The following ANKS6 variants were observed in gnomAD, a reference collection of about 807,000 sequenced individuals.
The protein encoded by ANKS6 is ankyrin repeat and SAM domain-containing protein 6.
In ANKS6, 47 loss-of-function variants were observed where a neutral mutation model predicts 77.9. The ratio of observed to expected loss-of-function variants is 0.60; its 90% CI spans 0.48 to 0.77. The LOEUF (loss-of-function observed/expected upper bound fraction) is 0.77, where lower values mean the gene tolerates loss of function less well. ANKS6 is among the 30% of genes least tolerant of loss of function. The pLI is 0.00. For synonymous variants in ANKS6, 488 were observed against 501.7 expected, an observed-to-expected ratio of 0.97 and a Z score of 0.37; for missense variants, 1,150 against 1,159.1, an observed-to-expected ratio of 0.99 and a Z score of 0.11.
chr9:98,777,253 T>C (rs1833964416), intron 8 of ANKS6, 152 bp downstream of exon 8: 7 of 807,028 alleles, frequency 8.7e-6, no homozygotes, highest in Non-Finnish European at 1.4e-5. Flanking sequence ...GACTCCTCAG[T>C]GCCAGAGCTA....
At chr9:98,757,481 T>G (rs576444229) in intron 11 of ANKS6, among the ~76,000 whole-genome samples, 24 of 152,336 alleles carry the variant, frequency 1.6e-4, no homozygotes, top group African/African-American at 3.4e-4. Context: ...TAGATGTGCT[T>G]GTGAATGTAG....
At position 98,773,972 on chromosome 9, in the gene ANKS6, G is replaced by C. The variant is rs746172737; in HGVS notation, c.1726C>G (p.Arg576Gly). Residue 576 changes from arginine (R) to glycine (G), a missense_variant, in exon 9 of 15, where the codon CGG becomes GGG. Transcript: ENST00000353234. ...SFELWSSDRSRTRHNGKADPM... is the reference protein window; with the variant it reads ...SFELWSSDRSGTRHNGKADPM... ...TCTGCCTTCCCGTTGTGACGCGTCC[G>C]GGACCGATCAGAGCTCCACAGCTCA... The C allele has an allele frequency of 2.5e-6, 4 of 1,600,132 alleles. No homozygotes were observed. The highest frequency in any genetic ancestry group is 2.2e-5 in the South Asian group (2 of 89,324).
intron 12 of ANKS6, among the ~76,000 whole-genome samples, chr9:98,751,445 A>G (rs1224447099): frequency 6.6e-6 from 1 of 152,236 alleles, no homozygotes; most frequent in East Asian, 1.9e-4. Flanking sequence ...CTGTGTGAGA[A>G]AGCACCATAA....
Position 98,732,998 on chromosome 9 carries a change from G to GA in ANKS6, c.*3520_*3521insT, listed in dbSNP as rs1831284087. The GA allele has an allele frequency of 1.0e-6, 1 of 965,884 alleles. No individual in the cohort carries two copies. The highest frequency in any genetic ancestry group is 5.2e-5 in the Admixed American group (1 of 19,294). 59.8% of individuals were successfully genotyped at this position (965,884 alleles called of 1,614,324 possible). On this transcript the variant is annotated 3_prime_UTR_variant, in exon 15 of 15. Transcript: ENST00000353234. ...ATCTCTCTCCTCTGGGGCGTGCCCA[G>GA]GCTGAGCCTGAGCCATCATCGATGA...
rs1417665504 is a variant in ANKS6, at chr9:98,744,387, G to A, written c.2511+1172C>T. Among the ~76,000 whole-genome samples, 6 of 152,122 alleles carry A rather than the reference G, an allele frequency of 3.9e-5. No individual in the cohort carries two copies. In the East Asian group the frequency reaches 9.6e-4, roughly 24 times the overall value. On this transcript the variant is annotated intron_variant, in intron 14 of 14. Coordinates refer to ENST00000353234, the MANE Select transcript of ANKS6 (RefSeq NM_173551.5). ...GAAGAGAAAGAGGCCAGGAGGCCTC[G>A]GTTTAGCGTCTCCCTCCACTGCCCA...
chr9:98,791,335 G>T lies in ANKS6; in HGVS notation c.360-729C>A, dbSNP rs1233655030. Among the ~76,000 whole-genome samples, 1 of 152,242 alleles carries T rather than the reference G, an allele frequency of 6.6e-6. No homozygotes were observed. The highest frequency in any genetic ancestry group is 1.5e-5 in the Non-Finnish European group (1 of 68,048). Reference sequence around the variant, plus strand: ...GCTGGGCATTGCGGCCTGGAGGCCTGCTGCCACCTGCTGGCAGGAATGTTT... The same window carrying T: ...GCTGGGCATTGCGGCCTGGAGGCCTTCTGCCACCTGCTGGCAGGAATGTTT... On this transcript the variant is annotated intron_variant, in intron 1 of 14. Transcript: ENST00000353234. This position sits in a 1 kb window ranked among gnomAD's most constrained non-coding sequence, Gnocchi z 4.3.
intron 11 of ANKS6, 130 bp downstream of exon 11, chr9:98,767,951 T>C (rs928330932): frequency 2.6e-5 from 33 of 1,274,804 alleles, no homozygotes; most frequent in Non-Finnish European, 3.3e-5. Flanking sequence ...AGCCCAGGAG[T>C]GGCTGGCTGG....
Position 98,733,434 on chromosome 9 carries a change from G to T in ANKS6, c.*3085C>A. ...ATGCCCTCAGGCTGGAGAGCTCTCA[G>T]AACAGGGACCCTGCCATCTCAAAGC... On this transcript the variant is annotated 3_prime_UTR_variant, in exon 15 of 15. Coordinates refer to ENST00000353234, the MANE Select transcript of ANKS6 (RefSeq NM_173551.5). The T allele has an allele frequency of 1.0e-6, 1 of 985,442 alleles. No individual in the cohort carries two copies. The highest frequency in any genetic ancestry group is 1.2e-6 in the Non-Finnish European group (1 of 829,960). The allele number at this position is 985,442 out of a possible 1,614,324, so 61.0% of individuals were successfully genotyped here.
chr9:98,791,564 A>G lies in ANKS6; in HGVS notation c.360-958T>C, dbSNP rs2118184365. Among the ~76,000 whole-genome samples the G allele has an allele frequency of 6.6e-6, 1 of 152,248 alleles. No homozygotes were observed. The highest frequency in any genetic ancestry group is 1.9e-4 in the East Asian group (1 of 5,188). On this transcript the variant is annotated intron_variant, in intron 1 of 14. Coordinates refer to ENST00000353234, the MANE Select transcript of ANKS6 (RefSeq NM_173551.5). This position sits in a 1 kb window ranked among gnomAD's most constrained non-coding sequence, Gnocchi z 4.3. ...TTTGTGGTGTCTCTGGTGGGCTCGG[A>G]GCTGTGTATCTCCAAGCTGGAAGCG...
At chr9:98,761,338 C>G (rs1446256741) in intron 11 of ANKS6, among the ~76,000 whole-genome samples, 1 of 152,190 alleles carries the variant, frequency 6.6e-6, no homozygotes, top group Non-Finnish European at 1.5e-5. Flanking sequence ...GGCAACATCA[C>G]AGCTCACTGC....
chr9:98,752,478 G>A (rs889327639), intron 12 of ANKS6, among the ~76,000 whole-genome samples: 3 of 151,748 alleles, frequency 2.0e-5, no homozygotes, highest in South Asian at 2.1e-4. Context: ...GACTACCACT[G>A]TGCCCAATGG....
In ANKS6 at chr9:98,736,113, T is replaced by C. The variant is rs544269507; in HGVS notation, c.*406A>G. The C allele has an allele frequency of 6.1e-6, 7 of 1,145,170 alleles. No homozygotes were observed. Among genetic ancestry groups the C allele is most frequent in the Non-Finnish European group, 6.4e-6 (6 of 931,006 alleles). 70.9% of individuals were successfully genotyped at this position (1,145,170 alleles called of 1,614,324 possible). On this transcript the variant is annotated 3_prime_UTR_variant, in exon 15 of 15. Transcript: ENST00000353234. ...ATGACTACCAGTGGCCAAGAGGACG[T>C]GAGCAGGAGTGATGTGTGTCAGTTA... is the stretch of plus-strand genomic sequence containing the variant.
In ANKS6 at chr9:98,790,413, T is replaced by C; in HGVS notation, c.553A>G (p.Ser185Gly). The change falls in exon 2 of 15, where the codon AGC (serine) becomes GGC (glycine). Residue 185 changes from serine to glycine, a missense_variant. Physicochemically the swap from Ser to Gly is moderately conservative, Grantham distance 56. Coordinates refer to ENST00000353234, the MANE Select transcript of ANKS6 (RefSeq NM_173551.5). ...GTGATGTCCAAGGGCTCATCCCTGC[T>C]GCCGCCCAACCCCAGTTGCTCGCCT... ...PSGEQLGLGG[S>G]RDEPLDITAL... 6.2e-7 allele frequency: 1 copy of C among 1,613,808 alleles called. No individual in the cohort carries two copies. Among genetic ancestry groups the C allele is most frequent in the Non-Finnish European group, 8.5e-7 (1 of 1,180,006 alleles).
At position 98,784,434 on chromosome 9, in the gene ANKS6, A is replaced by G. The variant is rs2118131793; in HGVS notation, c.908-277T>C. 1.9e-5 allele frequency: 7 copies of G among 377,412 alleles called. No homozygotes were observed. In the Middle Eastern group the frequency reaches 2.0e-3, roughly 106 times the overall value. 23.4% of individuals were successfully genotyped at this position (377,412 alleles called of 1,614,324 possible). A position where few individuals can be genotyped will look rare whatever the true frequency, so the allele number is the denominator to read the frequency against. ...AGAGAACGGATGAAGGAGACAGAAGAAGACAGAAGGAGAGTTCAGGTCTCG... is the reference window on the plus strand; with the variant it reads ...AGAGAACGGATGAAGGAGACAGAAGGAGACAGAAGGAGAGTTCAGGTCTCG... On this transcript the variant is annotated intron_variant, in intron 3 of 14. Coordinates refer to ENST00000353234, the MANE Select transcript of ANKS6 (RefSeq NM_173551.5).
intron 5 of ANKS6, among the ~76,000 whole-genome samples, chr9:98,781,094 T>G (rs751491049): frequency 2.0e-5 from 3 of 152,148 alleles, no homozygotes; most frequent in Non-Finnish European, 2.9e-5. Context: ...GAGATGGGGT[T>G]TCGTCATGTT....
intron 1 of ANKS6, among the ~76,000 whole-genome samples, chr9:98,792,099 C>G (rs549689569): frequency 3.9e-5 from 6 of 152,262 alleles, no homozygotes; most frequent in African/African-American, 1.2e-4. Context: ...TGCCGAAGAC[C>G]TGACTGCTTT....
intron 12 of ANKS6, among the ~76,000 whole-genome samples, chr9:98,753,776 C>T (rs1377439692): frequency 1.3e-5 from 2 of 152,132 alleles, no homozygotes; most frequent in African/African-American, 4.8e-5. Flanking sequence ...GGGGTATTCA[C>T]ACTGCAGGTA....
intron 1 of ANKS6, among the ~76,000 whole-genome samples, chr9:98,793,879 C>T (rs748343810): frequency 1.4e-5 from 2 of 147,950 alleles, no homozygotes; most frequent in South Asian, 2.2e-4. Context: ...TGCCCCAGCG[C>T]GGTGGCTCAC....
At chr9:98,780,162 G>A (rs1588399391) in intron 6 of ANKS6, 27 bp downstream of exon 6, 3 of 1,611,764 alleles carry the variant, frequency 1.9e-6, no homozygotes, top group East Asian at 2.2e-5. Context: ...TAGCCCCCAA[G>A]CCCCTTTAAG....
Sources: allele counts gnomAD v4.1 joint callset (sites outside exome capture counted in the v4.1 genomes callset), GRCh38; gene constraint gnomAD v4.1.1; non-coding constraint Gnocchi (gnomAD v3.1); transcripts MANE v1.5; gene names NCBI Gene and HGNC (gene_info 2026-07-23, HGNC 2026-07-21).